Variants in UNC5CL observed in about 807,000 individuals in gnomAD.
The protein encoded by UNC5CL is unc-5 family C-terminal like, also known as UNC5C-like protein.
Under a neutral mutation model 54.1 loss-of-function variants are expected in UNC5CL, and 42 were observed. That is an observed-to-expected ratio of 0.78 (90% confidence interval 0.61 to 1.00). The LOEUF (loss-of-function observed/expected upper bound fraction) is 1.00, where lower values mean the gene tolerates loss of function less well. Among genes scored for constraint, UNC5CL ranks in the 50% least tolerant of loss-of-function variants. UNC5CL has a pLI of 0.00. For synonymous variants in UNC5CL, 285 were observed against 285.1 expected (o/e 1.00, Z 0.00); for missense variants, 619 against 675.6 (o/e 0.92, Z 0.93).
chr6:41,031,940 G>A lies in UNC5CL; in HGVS notation c.1051+96C>T. On this transcript the variant is annotated intron_variant, in intron 5 of 8. Coordinates refer to ENST00000244565, the MANE Select transcript of UNC5CL (RefSeq NM_173561.3). ...GGAAGGTCTGTGTGCATGGCTGCATGGGGGTCTGCAGAGCTCCAGGGTTAC... is the reference window on the plus strand; with the variant it reads ...GGAAGGTCTGTGTGCATGGCTGCATAGGGGTCTGCAGAGCTCCAGGGTTAC... 3.8e-6 allele frequency: 5 copies of A among 1,331,410 alleles called. No homozygotes were observed. The Admixed American group carries it at 7.1e-5, about 19-fold the overall frequency. 82.5% of individuals were successfully genotyped at this position (1,331,410 alleles called of 1,614,324 possible). A position where few individuals can be genotyped will look rare whatever the true frequency, so the allele number is the denominator to read the frequency against.
chr6:41,037,251 G>A (rs775462163), intron 1 of UNC5CL, among the ~76,000 whole-genome samples: 19 of 152,228 alleles, frequency 1.2e-4, no homozygotes, highest in Non-Finnish European at 2.4e-4. Flanking sequence ...AGCACCGGCT[G>A]TGTATCGGAC....
At position 41,030,747 on chromosome 6, in the gene UNC5CL, C is replaced by T. The variant is rs761887947; in HGVS notation, c.1128G>A (p.Glu376=). The T allele has an allele frequency of 6.2e-7, 1 of 1,614,012 alleles. No homozygotes were observed. Among genetic ancestry groups the T allele is most frequent in the Admixed American group, 1.7e-5 (1 of 60,020 alleles). Residue 376 remains glutamate (E), a synonymous_variant, in exon 7 of 9, where the codon GAG becomes GAA. Transcript: ENST00000244565. ...ATCTGAGGATTTCCATATACTTGGT[C>T]TCCAAGCCCTGAGTCAACACAGGGC... ...VTMHTFQDGL[E]TKYMEILRFQ...
In UNC5CL at chr6:41,033,985, G is replaced by C. The variant is rs780364911; in HGVS notation, c.582C>G (p.Tyr194Ter). ...CATCCAGCAGGGTAGTGTTGCTGCT[G>C]TAGGTGCGAGCATGGCTGGGCTGCT... The part of the protein sequence containing the change: ...CAEQPSHART[Y>*]SSNTTLLDAK... Residue 194 changes from tyrosine to a stop codon, truncating the protein, a stop_gained, in exon 3 of 9, where the codon TAC becomes TAG. Coordinates refer to ENST00000244565, the MANE Select transcript of UNC5CL (RefSeq NM_173561.3). LOFTEE classifies it high-confidence loss of function. 9 of 1,614,200 alleles carry C rather than the reference G, an allele frequency of 5.6e-6. No homozygotes were observed. The highest frequency in any genetic ancestry group is 8.5e-7 in the Non-Finnish European group (1 of 1,180,030).
intron 1 of UNC5CL, among the ~76,000 whole-genome samples, chr6:41,037,370 G>A (rs768166642): frequency 6.6e-6 from 1 of 152,198 alleles, no homozygotes. Context: ...GAGGCACAAC[G>A]TCCTCCTTCA....
At position 41,034,797 on chromosome 6, in the gene UNC5CL, A is replaced by G; in HGVS notation, c.278T>C (p.Val93Ala). 6.2e-7 allele frequency: 1 copy of G among 1,614,182 alleles called. No homozygotes were observed. The highest frequency in any genetic ancestry group is 8.5e-7 in the Non-Finnish European group (1 of 1,180,036). Residue 93 changes from valine (V) to alanine (A), a missense_variant, in exon 2 of 9, where the codon GTC (valine) becomes GCC (alanine). Transcript: ENST00000244565. ...LHTPTQGQTM[V>A]RQLMHKLLVF... ...CAACAGTTTGTGCATCAACTGGCGG[A>G]CCATGGTCTGGCCTTGAGTGGGTGT...
intron 1 of UNC5CL, among the ~76,000 whole-genome samples, chr6:41,037,294 G>A (rs1356123809): frequency 3.3e-5 from 5 of 152,206 alleles, no homozygotes; most frequent in Admixed American, 6.5e-5. Flanking sequence ...CAAAGATGAC[G>A]TCTTATTCCG....
At position 41,029,511 on chromosome 6, in the gene UNC5CL, G is replaced by A. The variant is rs1009032636; in HGVS notation, c.1334+877C>T. 6.6e-6 allele frequency among the ~76,000 whole-genome samples: 1 copy of A among 152,204 alleles called. No homozygotes were observed. The highest frequency in any genetic ancestry group is 1.5e-5 in the Non-Finnish European group (1 of 68,040). On this transcript the variant is annotated intron_variant, in intron 8 of 8. Coordinates refer to ENST00000244565, the MANE Select transcript of UNC5CL (RefSeq NM_173561.3). The surrounding 1 kb of genome is among the most constrained non-coding windows in gnomAD (Gnocchi z 4.1). ...CTCTGAACCCTTTACTAGTGTGTGC[G>A]CTCCTAGGCGCCGGGACCATGCCTC...
Position 41,028,737 on chromosome 6 carries a change from C to T in UNC5CL, c.1335-142G>A, listed in dbSNP as rs753161994. ...TTGTCCTTGTCCTGCTCTTGCCTGC[C>T]TTCCAGGGCACAGGAGGTGGGAAGC... On this transcript the variant is annotated intron_variant, in intron 8 of 8. Transcript: ENST00000244565. The surrounding 1 kb of genome is among the most constrained non-coding windows in gnomAD (Gnocchi z 4.3). The T allele has an allele frequency of 1.9e-5, 15 of 805,970 alleles. No individual in the cohort carries two copies. The highest frequency in any genetic ancestry group is 2.9e-5 in the Non-Finnish European group (15 of 524,566). The allele number at this position is 805,970 out of a possible 1,614,324, so 49.9% of individuals were successfully genotyped here. A position where few individuals can be genotyped will look rare whatever the true frequency, so the allele number is the denominator to read the frequency against.
chr6:41,033,295 G>A (rs1762478125), intron 3 of UNC5CL, 149 bp from the exon 4 acceptor site: 2 of 962,794 alleles, frequency 2.1e-6, no homozygotes, highest in Non-Finnish European at 1.5e-6. Context: ...GGGAGGAACT[G>A]GTAGGTTGGG....
intron 2 of UNC5CL, 43 bp downstream of exon 2, chr6:41,034,647 G>C: frequency 1.3e-6 from 2 of 1,581,844 alleles, no homozygotes; most frequent in South Asian, 1.1e-5. Flanking sequence ...CTAATGTACA[G>C]TCTGACCAAC....
rs1268185691 is a variant in UNC5CL at position 41,033,885 on chromosome 6, A to T, written c.682T>A (p.Phe228Ile). 1 of 1,612,734 alleles carries T rather than the reference A, an allele frequency of 6.2e-7. No individual in the cohort carries two copies. Among genetic ancestry groups the T allele is most frequent in the Non-Finnish European group, 8.5e-7 (1 of 1,179,242 alleles). ...AGGCCAATGGCATGTGCCTACCTGA[A>T]GTGGGAGAGGTGGATGCGACACTCA... ...RDECRIHLSHFSLYTCVLEAP... is the reference protein window; with the variant it reads ...RDECRIHLSHISLYTCVLEAP... Residue 228 changes from phenylalanine to isoleucine, a missense_variant, in exon 3 of 9, where the codon TTC (phenylalanine) becomes ATC (isoleucine). By Grantham distance (21) the Phe-to-Ile change is conservative. Coordinates refer to ENST00000244565, the MANE Select transcript of UNC5CL (RefSeq NM_173561.3).
Position 41,029,104 on chromosome 6 carries a change from G to C in UNC5CL, c.1335-509C>G, listed in dbSNP as rs150469140. Among the ~76,000 whole-genome samples, 1 of 151,956 alleles carries C rather than the reference G, an allele frequency of 6.6e-6. No individual in the cohort carries two copies. On this transcript the variant is annotated intron_variant, in intron 8 of 8. Transcript: ENST00000244565. The surrounding 1 kb of genome is among the most constrained non-coding windows in gnomAD (Gnocchi z 4.1). Reference sequence around the variant, plus strand: ...GTCTCTCACCTCCTAACCAGCCCACGCTCCATGAGCCTTTCTGGCTCATCC... The same window carrying C: ...GTCTCTCACCTCCTAACCAGCCCACCCTCCATGAGCCTTTCTGGCTCATCC...
chr6:41,031,648 C>A, intron 6 of UNC5CL, 33 bp downstream of exon 6: 1 of 1,612,102 alleles, frequency 6.2e-7, no homozygotes, highest in Non-Finnish European at 8.5e-7. Flanking sequence ...CCCCCAGGCC[C>A]TGCCCTTCCT....
At chr6:41,037,016 C>T (rs1762532360) in intron 1 of UNC5CL, among the ~76,000 whole-genome samples, 1 of 152,166 alleles carries the variant, frequency 6.6e-6, no homozygotes, top group Admixed American at 6.5e-5. Context: ...ATTCTAGCCT[C>T]TGGCTTTTGC....
At chr6:41,032,763 G>C in intron 4 of UNC5CL, 121 bp downstream of exon 4, 1 of 1,370,532 alleles carries the variant, frequency 7.3e-7, no homozygotes. Flanking sequence ...TCCATCTCGG[G>C]AAAAAAAAAG....
At position 41,028,602 on chromosome 6, in the gene UNC5CL, C is replaced by T. The variant is rs754943665; in HGVS notation, c.1335-7G>A. ...GCGCTGGCAGGACAGGAACCTGGCC[C>T]GAGGTAGGGGAGGAAGAGAAGGGTG... On this transcript the variant is annotated splice_region_variant and splice_polypyrimidine_tract_variant and intron_variant, in intron 8 of 8. Coordinates refer to ENST00000244565, the MANE Select transcript of UNC5CL (RefSeq NM_173561.3). This position sits in a 1 kb window ranked among gnomAD's most constrained non-coding sequence, Gnocchi z 4.3. 6.2e-7 allele frequency: 1 copy of T among 1,611,874 alleles called. No homozygotes were observed.
In UNC5CL at chr6:41,028,097, C is replaced by T. The variant is rs1762408820; in HGVS notation, c.*276G>A. On this transcript the variant is annotated 3_prime_UTR_variant, in exon 9 of 9. Transcript: ENST00000244565. This position sits in a 1 kb window ranked among gnomAD's most constrained non-coding sequence, Gnocchi z 4.3. ...AAGTGCACGCGGGGACCGTGGCCGT[C>T]CCCTGGTCAGTTTGGCAGGCTGGCC... 3 of 498,146 alleles carry T rather than the reference C, an allele frequency of 6.0e-6. No individual in the cohort carries two copies. Among genetic ancestry groups the T allele is most frequent in the Non-Finnish European group, 1.1e-5 (3 of 281,322 alleles). 30.9% of individuals were successfully genotyped at this position (498,146 alleles called of 1,614,324 possible).
Position 41,029,703 on chromosome 6 carries a change from G to A in UNC5CL, c.1334+685C>T, listed in dbSNP as rs1762430994. ...AATAAAAAATTAGCTGGACATGGTG[G>A]CGTGTGCCTGTAATCCCAGCTACTC... is the stretch of plus-strand genomic sequence containing the variant. On this transcript the variant is annotated intron_variant, in intron 8 of 8. Transcript: ENST00000244565. This position sits in a 1 kb window ranked among gnomAD's most constrained non-coding sequence, Gnocchi z 4.1. Among the ~76,000 whole-genome samples the A allele has an allele frequency of 1.3e-5, 2 of 152,218 alleles. No individual in the cohort carries two copies. Among genetic ancestry groups the A allele is most frequent in the African/African-American group, 4.8e-5 (2 of 41,438 alleles).
Position 41,030,666 on chromosome 6 carries a change from G to GGGCGGCTGGGAAACAGGTGGT in UNC5CL, c.1188_1208dup (p.Pro398_Pro404dup). The stretch of plus-strand genomic sequence containing the variant: ...AACCCCCGTCTCACCTATTGCATGG[G>GGGCGGCTGGGAAACAGGTGGT]GGCGGCTGGGAAACAGGTGGTGGCG... On this transcript the variant is annotated inframe_insertion, in exon 7 of 9. Transcript: ENST00000244565. 6.2e-7 allele frequency: 1 copy of GGGCGGCTGGGAAACAGGTGGT among 1,614,078 alleles called. No individual in the cohort carries two copies. The highest frequency in any genetic ancestry group is 8.5e-7 in the Non-Finnish European group (1 of 1,180,006).
Sources: allele counts gnomAD v4.1 joint callset (sites outside exome capture counted in the v4.1 genomes callset), GRCh38; gene constraint gnomAD v4.1.1; non-coding constraint Gnocchi (gnomAD v3.1); transcripts MANE v1.5; gene names NCBI Gene and HGNC (gene_info 2026-07-23, HGNC 2026-07-21).